Variants in ITGA6 observed in about 807,000 individuals in gnomAD.
ITGA6 encodes integrin subunit alpha 6.
A neutral mutation model predicts 133.6 loss-of-function variants in ITGA6; 63 were observed. That is an observed-to-expected ratio of 0.47 (90% CI 0.38 to 0.58). The LOEUF (loss-of-function observed/expected upper bound fraction) is 0.58. ITGA6 is among the 20% of genes least tolerant of loss of function. The pLI is 0.00. For missense variants in ITGA6, 1,068 were observed against 1,309.4 expected, an observed-to-expected ratio of 0.82 and a Z score of 2.85; for synonymous variants, 434 against 482.0, an observed-to-expected ratio of 0.90 and a Z score of 1.30.
Position 172,471,002 on chromosome 2 carries a change from C to T in ITGA6, c.672C>T (p.Asn224=), listed in dbSNP as rs1181909481. Residue 224 remains asparagine, a synonymous_variant, in exon 5 of 26, where the codon AAC becomes AAT. Transcript: ENST00000684293. ...TTGTTCGTGTAGAGCAAAAGAATAACACTTTTTTTGACATGAACATCTTTG... is the reference window on the plus strand; with the variant it reads ...TTGTTCGTGTAGAGCAAAAGAATAATACTTTTTTTGACATGAACATCTTTG... The part of the protein sequence containing the change: ...KGIVRVEQKN[N]TFFDMNIFED... The T allele has an allele frequency of 6.2e-7, 1 of 1,613,946 alleles. No homozygotes were observed. Among genetic ancestry groups the T allele is most frequent in the Admixed American group, 1.7e-5 (1 of 60,016 alleles).
chr2:172,433,426 G>C (rs1684187392), intron 1 of ITGA6, among the ~76,000 whole-genome samples: 1 of 152,184 alleles, frequency 6.6e-6, no homozygotes, highest in Non-Finnish European at 1.5e-5. Context: ...GCAGAGCCTA[G>C]AGCCAGGTAG....
rs149917878 is a variant in ITGA6 at position 172,487,555 on chromosome 2, G to A, written c.2169G>A (p.Gln723=). ...YRELRAFPEK[Q]LSCVANQNGS... is the part of the protein sequence containing the mutation. The stretch of plus-strand genomic sequence containing the variant: ...GTGTGTTTCTTTTACAGGAGAAACA[G>A]TTGAGTTGTGTTGCCAACCAGAATG... The change falls in exon 16 of 26, where the codon CAG becomes CAA. Residue 723 remains glutamine, a synonymous_variant. Coordinates refer to ENST00000684293, the MANE Select transcript of ITGA6 (RefSeq NM_000210.4). The A allele has an allele frequency of 3.8e-5, 61 of 1,614,128 alleles. No individual in the cohort carries two copies. The East Asian group carries it at 1.3e-3, about 35-fold the overall frequency.
intron 23 of ITGA6, chr2:172,495,631 C>T (rs972220303): frequency 1.3e-5 from 2 of 152,252 alleles, no homozygotes; most frequent in African/African-American, 2.4e-5. Context: ...CCACGGAGCA[C>T]ATCTGCCCTT....
intron 11 of ITGA6, among the ~76,000 whole-genome samples, chr2:172,484,155 G>T (rs1217499643): frequency 6.6e-6 from 1 of 152,204 alleles, no homozygotes; most frequent in East Asian, 1.9e-4. Flanking sequence ...ACTGTCGAAA[G>T]ACTTCTCCAT....
intron 13 of ITGA6, 88 bp from the exon 14 acceptor site, chr2:172,486,935 G>T: frequency 1.3e-6 from 1 of 754,524 alleles, no homozygotes; most frequent in South Asian, 1.4e-5. Flanking sequence ...ACAGGGAAAT[G>T]AACTGTGTGG....
At chr2:172,427,477 T>G (rs887055673), upstream of ITGA6, 1 of 1,035,666 alleles carries the variant, frequency 9.7e-7, no homozygotes, top group Non-Finnish European at 1.1e-6. Flanking sequence ...GCGGGTAAGG[T>G]GCGGGCGGTG....
At chr2:172,433,142 C>T (rs898006182) in intron 1 of ITGA6, among the ~76,000 whole-genome samples, 6 of 152,118 alleles carry the variant, frequency 3.9e-5, no homozygotes, top group African/African-American at 1.4e-4. Flanking sequence ...TCTCAGCCCC[C>T]GGTGCCCATC....
chr2:172,451,101 GC>G (rs1168653270), intron 1 of ITGA6, among the ~76,000 whole-genome samples: 1 of 151,382 alleles, frequency 6.6e-6, no homozygotes, highest in Non-Finnish European at 1.5e-5. Context: ...GGTGCCGTAA[GC>G]CAAGATTGCA....
chr2:172,468,955 A>C, intron 3 of ITGA6, 170 bp from the exon 4 acceptor site: 2 of 679,598 alleles, frequency 2.9e-6, no homozygotes, highest in Non-Finnish European at 2.6e-6. Context: ...TGGTCTCCTT[A>C]GTGCCACTTT....
chr2:172,501,030 C>T (rs1687327509), intron 24 of ITGA6, among the ~76,000 whole-genome samples: 1 of 151,956 alleles, frequency 6.6e-6, no homozygotes, highest in African/African-American at 2.4e-5. Flanking sequence ...AGTTCCATGG[C>T]CTTATGAACT....
chr2:172,482,797 C>T (rs1471362840), intron 11 of ITGA6, among the ~76,000 whole-genome samples: 1 of 152,206 alleles, frequency 6.6e-6, no homozygotes, highest in South Asian at 2.1e-4. Flanking sequence ...ACAAAAATTA[C>T]TATTGAAACT....
At chr2:172,489,747 G>T (rs1354579378) in intron 20 of ITGA6, 89 bp downstream of exon 20, 18 of 1,211,006 alleles carry the variant, frequency 1.5e-5, no homozygotes, top group Non-Finnish European at 2.2e-5. Flanking sequence ...TCTTAGGAAA[G>T]TGGCATATTC....
intron 1 of ITGA6, among the ~76,000 whole-genome samples, chr2:172,456,351 A>T (rs1685208065): frequency 6.6e-6 from 1 of 152,220 alleles, no homozygotes; most frequent in African/African-American, 2.4e-5. Context: ...CCAGGGCCAG[A>T]TGCAGCTGCA....
chr2:172,497,864 C>CGA, intron 23 of ITGA6, 111 bp from the exon 24 acceptor site: 1 of 1,097,564 alleles, frequency 9.1e-7, no homozygotes. Context: ...CTCATCCATT[C>CGA]ACAGGCTGCA....
chr2:172,472,702 A>T, intron 5 of ITGA6: 1 of 940,678 alleles, frequency 1.1e-6, no homozygotes, highest in Non-Finnish European at 1.7e-6. Context: ...CGAGAACAGC[A>T]GTGGCTGTCC....
At chr2:172,450,308 C>T (rs1339986235) in intron 1 of ITGA6, among the ~76,000 whole-genome samples, 2 of 152,086 alleles carry the variant, frequency 1.3e-5, no homozygotes, top group South Asian at 2.1e-4. Context: ...AGGACGGGCT[C>T]GGGTGGAACA....
chr2:172,471,185 C>G, intron 5 of ITGA6, 80 bp downstream of exon 5: 1 of 1,551,488 alleles, frequency 6.4e-7, no homozygotes, highest in African/African-American at 1.4e-5. Flanking sequence ...GCCTATGGCC[C>G]CTGGACTTCT....
chr2:172,444,596 C>T (rs1309969284), intron 1 of ITGA6, among the ~76,000 whole-genome samples: 6 of 107,186 alleles, frequency 5.6e-5, no homozygotes, highest in Non-Finnish European at 1.1e-4. Context: ...CCGCCCCCCG[C>T]CCCCCGCCAA....
intron 23 of ITGA6, among the ~76,000 whole-genome samples, chr2:172,493,285 G>A (rs1000634001): frequency 2.0e-5 from 3 of 152,002 alleles, no homozygotes; most frequent in Non-Finnish European, 2.9e-5. Flanking sequence ...CACTGTCCCG[G>A]TCTCTCCAGG....
Sources: gnomAD v4.1 joint callset for allele counts (sites outside exome capture counted in the v4.1 genomes callset) on GRCh38, gnomAD v4.1.1 for gene constraint, MANE v1.5 for transcripts, NCBI Gene and HGNC (gene_info 2026-07-23, HGNC 2026-07-21) for gene names.